The following RBFOX1 variants were observed in gnomAD, a reference collection of about 807,000 sequenced individuals.
RBFOX1 encodes the protein RNA binding fox-1 homolog 1.
RBFOX1 carries 8 observed loss-of-function variants against 57.7 expected under a neutral mutation model. That is an observed-to-expected ratio of 0.14 (90% CI 0.08 to 0.25). The LOEUF (loss-of-function observed/expected upper bound fraction) is 0.25. RBFOX1 is among the 10% of genes least tolerant of loss of function. RBFOX1 has a pLI of 1.00. For missense variants in RBFOX1, 611 were observed against 548.5 expected, an observed-to-expected ratio of 1.11 and a Z score of -1.14; for synonymous variants, 326 against 222.4, an observed-to-expected ratio of 1.47 and a Z score of -4.15.
chr16:7,105,112 G>C (rs1289681441), intron 4 of RBFOX1, among the ~76,000 whole-genome samples: 1 of 152,060 alleles, frequency 6.6e-6, no homozygotes, highest in Non-Finnish European at 1.5e-5. Flanking sequence ...CTAAAGCTTG[G>C]ATGTTTAAGC....
chr16:5,520,170 G>T (rs985911727), intron 2 of RBFOX1, among the ~76,000 whole-genome samples: 1 of 152,158 alleles, frequency 6.6e-6, no homozygotes, highest in Non-Finnish European at 1.5e-5. Context: ...GGCTATTGTG[G>T]CTGGAGAGAG....
At chr16:6,612,131 C>T (rs1206938580) in intron 2 of RBFOX1, among the ~76,000 whole-genome samples, 2 of 152,044 alleles carry the variant, frequency 1.3e-5, no homozygotes, top group African/African-American at 4.8e-5. Flanking sequence ...AGGGATTATC[C>T]CTGGTAAGAA....
chr16:6,982,626 C>G (rs992256358), intron 3 of RBFOX1, among the ~76,000 whole-genome samples: 1 of 152,112 alleles, frequency 6.6e-6, no homozygotes. Flanking sequence ...GAGCAAAGCC[C>G]TTTCTTGCAC....
At chr16:5,347,873 T>C (rs889254238) in intron 1 of RBFOX1, among the ~76,000 whole-genome samples, 3 of 129,312 alleles carry the variant, frequency 2.3e-5, no homozygotes, top group Non-Finnish European at 4.8e-5. Context: ...CACTCAATAA[T>C]GCACTCACCC....
chr16:5,973,707 C>T (rs547525792), intron 4 of RBFOX1, among the ~76,000 whole-genome samples: 2 of 152,266 alleles, frequency 1.3e-5, no homozygotes, highest in South Asian at 2.1e-4. Context: ...TTTCTTTGTT[C>T]TAAACAATAA....
intron 4 of RBFOX1, among the ~76,000 whole-genome samples, chr16:7,197,610 C>G (rs765773247): frequency 8.5e-5 from 13 of 152,066 alleles, no homozygotes; most frequent in Admixed American, 6.6e-5. Flanking sequence ...AGTACTCAAA[C>G]AAAAATGTGT....
chr16:7,707,379 T>A (rs1363946401), intron 14 of RBFOX1, among the ~76,000 whole-genome samples: 1 of 151,968 alleles, frequency 6.6e-6, no homozygotes, highest in East Asian at 1.9e-4. Flanking sequence ...ATGAGAAAGC[T>A]TGGAAGGAAA....
In RBFOX1 at chr16:6,553,622, G is replaced by A. The variant is rs141316321; in HGVS notation, c.-63-100981G>A. On this transcript the variant is annotated intron_variant, in intron 2 of 15. Coordinates refer to ENST00000550418, the MANE Select transcript of RBFOX1 (RefSeq NM_018723.4). ...TTGCCATGGAGGTGAGAGTAGACGC[G>A]GTGGGGATGGACGATCTCTCTCAGG... is the stretch of plus-strand genomic sequence containing the variant. Among the ~76,000 whole-genome samples the A allele has an allele frequency of 7.2e-4, 109 of 152,070 alleles. 1 individual carries two copies. The highest frequency in any genetic ancestry group is 2.4e-3 in the African/African-American group (99 of 41,468).
chr16:5,863,670 C>A (rs1436668044), intron 3 of RBFOX1, among the ~76,000 whole-genome samples: 2 of 152,164 alleles, frequency 1.3e-5, no homozygotes, highest in African/African-American at 2.4e-5. Context: ...CCTAGAGGGG[C>A]CTCAGTAAAG....
chr16:5,761,209 T>C (rs925249384), intron 3 of RBFOX1, among the ~76,000 whole-genome samples: 3 of 152,174 alleles, frequency 2.0e-5, no homozygotes, highest in Non-Finnish European at 4.4e-5. Context: ...TTTTGTGACA[T>C]GGTGATGCAC....
rs1358465770 is a variant in RBFOX1 at position 5,573,504 on chromosome 16, C to G, written c.259-25398C>G. Among the ~76,000 whole-genome samples the G allele has an allele frequency of 2.6e-5, 4 of 152,284 alleles. No homozygotes were observed. In the East Asian group the frequency reaches 5.8e-4, roughly 22 times the overall value. ...GTATTGTAGTATGCACAGCAGGTGA[C>G]TTGGGTACTGACAACTTTGAGAGGT... On this transcript the variant is annotated intron_variant, in intron 2 of 2. Transcript: ENST00000585867.
At chr16:5,604,025 C>T (rs539298469), downstream of RBFOX1, among the ~76,000 whole-genome samples, 1 of 152,200 alleles carries the variant, frequency 6.6e-6, no homozygotes, top group African/African-American at 2.4e-5. Flanking sequence ...GTGCCATTCC[C>T]CCCTTCTATA....
chr16:6,986,491 G>A (rs1288394816), intron 3 of RBFOX1, among the ~76,000 whole-genome samples: 3 of 152,108 alleles, frequency 2.0e-5, no homozygotes, highest in African/African-American at 4.8e-5. Context: ...GAGCCACCAC[G>A]TCCAGCCCCA....
At chr16:7,670,926 T>C (rs2146063783) in intron 13 of RBFOX1, among the ~76,000 whole-genome samples, 1 of 152,334 alleles carries the variant, frequency 6.6e-6, no homozygotes, top group African/African-American at 2.4e-5. Context: ...TAGATTTGTA[T>C]GAAATGATAG....
rs181504575 is a variant in RBFOX1, at chr16:6,019,115, A to T, written c.-1004A>T. 8.8e-5 allele frequency: 87 copies of T among 984,128 alleles called. No individual in the cohort carries two copies. The East Asian group carries it at 8.8e-3, about 99-fold the overall frequency. 61.0% of individuals were successfully genotyped at this position (984,128 alleles called of 1,614,324 possible). Reference sequence around the variant, plus strand: ...CACACGCACACACACACATGCACACATTTTCTCGCGCTCTCTCCGGCTCTC... The same window carrying T: ...CACACGCACACACACACATGCACACTTTTTCTCGCGCTCTCTCCGGCTCTC... On this transcript the variant is annotated 5_prime_UTR_variant, in exon 1 of 16. Coordinates refer to ENST00000550418, the MANE Select transcript of RBFOX1 (RefSeq NM_018723.4). The surrounding 1 kb of genome is among the most constrained non-coding windows in gnomAD (Gnocchi z 4.2).
intron 4 of RBFOX1, among the ~76,000 whole-genome samples, chr16:5,900,051 C>T (rs771225634): frequency 6.6e-6 from 1 of 152,200 alleles, no homozygotes; most frequent in Non-Finnish European, 1.5e-5. Flanking sequence ...GCACTCCAGC[C>T]TTGGTGACAG....
chr16:7,616,547 C>G (rs1251376462), intron 10 of RBFOX1, among the ~76,000 whole-genome samples: 1 of 152,180 alleles, frequency 6.6e-6, no homozygotes, highest in African/African-American at 2.4e-5. Context: ...TCCAAGGCCT[C>G]AGGCATACAA....
At chr16:6,234,398 C>T (rs2097489291) in intron 1 of RBFOX1, among the ~76,000 whole-genome samples, 1 of 152,100 alleles carries the variant, frequency 6.6e-6, no homozygotes, top group African/African-American at 2.4e-5. Context: ...ACTGTAAGTC[C>T]CATGAGGATA....
chr16:6,868,383 T>C (rs1017289715), intron 3 of RBFOX1, among the ~76,000 whole-genome samples: 1 of 152,206 alleles, frequency 6.6e-6, no homozygotes, highest in Non-Finnish European at 1.5e-5. Context: ...GAGAAATTTC[T>C]GTAAGTTTTC....
Sources: allele counts gnomAD v4.1 joint callset (sites outside exome capture counted in the v4.1 genomes callset), GRCh38; gene constraint gnomAD v4.1.1; non-coding constraint Gnocchi (gnomAD v3.1); transcripts MANE v1.5; gene names NCBI Gene and HGNC (gene_info 2026-07-23, HGNC 2026-07-21).